Variants in STAU2 observed in about 807,000 individuals in gnomAD.
STAU2 encodes double-stranded RNA-binding protein Staufen homolog 2.
A neutral mutation model predicts 65.9 loss-of-function variants in STAU2; 20 were observed. That is an observed-to-expected ratio of 0.30 (90% confidence interval 0.21 to 0.44). The LOEUF (loss-of-function observed/expected upper bound fraction) is 0.44. STAU2 is among the 20% of genes least tolerant of loss of function. The pLI is 1.00. For missense variants in STAU2, 558 were observed against 683.9 expected (o/e 0.82, Z 2.05); for synonymous variants, 232 against 233.9 (o/e 0.99, Z 0.07).
At chr8:73,622,101 C>T (rs1463649380) in intron 6 of STAU2, among the ~76,000 whole-genome samples, 9 of 147,136 alleles carry the variant, frequency 6.1e-5, no homozygotes, top group East Asian at 4.0e-4. Flanking sequence ...GGACTACAGG[C>T]GCCCGCCACC....
chr8:73,747,325 C>T (rs1479060598), upstream of STAU2: 8 of 1,520,976 alleles, frequency 5.3e-6, no homozygotes, highest in South Asian at 1.2e-5. Context: ...ACTTCCTTCC[C>T]CGCCCGACTG....
intron 13 of STAU2, among the ~76,000 whole-genome samples, chr8:73,531,795 A>G (rs1805837921): frequency 6.6e-6 from 1 of 152,268 alleles, no homozygotes; most frequent in African/African-American, 2.4e-5. Context: ...GTAACACACA[A>G]ATCTTCAGAA....
At chr8:73,607,469 C>A (rs1265530220) in intron 9 of STAU2, among the ~76,000 whole-genome samples, 3 of 151,876 alleles carry the variant, frequency 2.0e-5, no homozygotes, top group Non-Finnish European at 4.4e-5. Context: ...ATGGCTCATG[C>A]CTGTAATCTC....
chr8:73,684,043 C>A (rs1034985665), intron 5 of STAU2, among the ~76,000 whole-genome samples: 2 of 152,106 alleles, frequency 1.3e-5, no homozygotes, highest in African/African-American at 4.8e-5. Context: ...CAAAAGCTAT[C>A]TACAAATTCT....
Position 73,634,138 on chromosome 8 carries a change from T to C in STAU2, c.411-16687A>G, listed in dbSNP as rs529812123. Among the ~76,000 whole-genome samples the C allele has an allele frequency of 2.0e-4, 30 of 152,346 alleles. 1 individual carries two copies. The highest frequency in any genetic ancestry group is 3.4e-3 in the Middle Eastern group (1 of 294). ...AAATTAAAATGCCAAAGAGGTATCA[T>C]TCTTCACCTAATTATATTGGTAAAA... On this transcript the variant is annotated intron_variant, in intron 6 of 14. Coordinates refer to ENST00000524300, the MANE Select transcript of STAU2 (RefSeq NM_001164380.2).
chr8:73,739,719 G>A (rs950466355), intron 2 of STAU2, 37 bp downstream of exon 2: 1 of 1,465,384 alleles, frequency 6.8e-7, no homozygotes, highest in African/African-American at 1.4e-5. Flanking sequence ...CCTGGATATT[G>A]GTGAATTTGA....
chr8:73,655,104 A>G (rs1037581423), intron 6 of STAU2, among the ~76,000 whole-genome samples: 1 of 152,222 alleles, frequency 6.6e-6, no homozygotes, highest in East Asian at 1.9e-4. Context: ...AAATAAATCT[A>G]TGGCAGTAGT....
intron 13 of STAU2, among the ~76,000 whole-genome samples, chr8:73,444,505 G>A (rs1818361530): frequency 6.6e-6 from 1 of 152,158 alleles, no homozygotes; most frequent in African/African-American, 2.4e-5. Context: ...AGAGGCTGAG[G>A]AGTGTAGCTG....
chr8:73,742,067 T>C (rs1378789954), intron 1 of STAU2, among the ~76,000 whole-genome samples: 4 of 152,242 alleles, frequency 2.6e-5, no homozygotes, highest in African/African-American at 9.6e-5. Flanking sequence ...AATTGTAGTT[T>C]GTAATTATAC....
intron 12 of STAU2, among the ~76,000 whole-genome samples, chr8:73,557,525 CA>C (rs1300210341): frequency 6.6e-6 from 1 of 152,098 alleles, no homozygotes; most frequent in Non-Finnish European, 1.5e-5. Flanking sequence ...AGGTTTCTCC[CA>C]AAAAACTACC....
At chr8:73,503,738 T>C (rs1008726720) in intron 13 of STAU2, among the ~76,000 whole-genome samples, 1 of 152,080 alleles carries the variant, frequency 6.6e-6, no homozygotes, top group Non-Finnish European at 1.5e-5. Flanking sequence ...CGTTAATATC[T>C]GAGCATGTAC....
At chr8:73,659,239 AT>A (rs771126497) in intron 6 of STAU2, among the ~76,000 whole-genome samples, 2 of 152,134 alleles carry the variant, frequency 1.3e-5, no homozygotes, top group Non-Finnish European at 2.9e-5. Flanking sequence ...CACATGACAT[AT>A]TAAAAAGAGC....
At chr8:73,746,844 C>G, upstream of STAU2, 1 of 1,223,742 alleles carries the variant, frequency 8.2e-7, no homozygotes, top group Non-Finnish European at 1.0e-6. Flanking sequence ...GAGAACTGAC[C>G]CCGCTCGGCC....
rs60833468 is a variant in STAU2 at position 73,637,477 on chromosome 8, T to TAAAAAAA, written c.411-20033_411-20027dup. On this transcript the variant is annotated intron_variant, in intron 6 of 14. Transcript: ENST00000524300. Reference sequence around the variant, plus strand: ...TAAAGTCTTTATAAAGTGCTGAAAGTAAAAAAAAAAAAAAAAAAAAAAAAA... The same window carrying TAAAAAAA: ...TAAAGTCTTTATAAAGTGCTGAAAGTAAAAAAAAAAAAAAAAAAAAAAAAAAAAAAAA... Among the ~76,000 whole-genome samples, 241 of 57,086 alleles carry TAAAAAAA rather than the reference T, an allele frequency of 4.2e-3. 4 individuals are homozygous for TAAAAAAA. The highest frequency in any genetic ancestry group is 7.7e-3 in the East Asian group (12 of 1,562). 37.5% of individuals were successfully genotyped at this position (57,086 alleles called of 152,430 possible).
At chr8:73,519,834 G>A (rs970130579) in intron 13 of STAU2, among the ~76,000 whole-genome samples, 4 of 152,224 alleles carry the variant, frequency 2.6e-5, no homozygotes, top group Non-Finnish European at 4.4e-5. Flanking sequence ...TGTATCTCAA[G>A]GAGATCACTG....
chr8:73,497,266 T>C (rs937489056), intron 13 of STAU2, among the ~76,000 whole-genome samples: 3 of 151,758 alleles, frequency 2.0e-5, no homozygotes, highest in Non-Finnish European at 4.4e-5. Flanking sequence ...TCTGAAGCTT[T>C]AGATCTTTAT....
At chr8:73,500,445 T>A (rs1821682442) in intron 13 of STAU2, among the ~76,000 whole-genome samples, 1 of 151,908 alleles carries the variant, frequency 6.6e-6, no homozygotes, top group African/African-American at 2.4e-5. Flanking sequence ...TCCACAGATG[T>A]TGAGGGCTCA....
At chr8:73,639,607 C>G (rs1814805920) in intron 6 of STAU2, among the ~76,000 whole-genome samples, 1 of 152,124 alleles carries the variant, frequency 6.6e-6, no homozygotes, top group Non-Finnish European at 1.5e-5. Flanking sequence ...TGTATTACAA[C>G]TGAAACTAAA....
At chr8:73,598,246 G>A (rs1157373436) in intron 10 of STAU2, among the ~76,000 whole-genome samples, 1 of 57,276 alleles carries the variant, frequency 1.7e-5, no homozygotes, top group African/African-American at 6.1e-5. Context: ...TTTTTTTTTT[G>A]GGATGGAGTC....
Sources: gnomAD v4.1 joint callset for allele counts (sites outside exome capture counted in the v4.1 genomes callset) on GRCh38, gnomAD v4.1.1 for gene constraint, MANE v1.5 for transcripts, NCBI Gene and HGNC (gene_info 2026-07-23, HGNC 2026-07-21) for gene names.